The following FAM81B variants were observed in gnomAD, a reference collection of about 807,000 sequenced individuals.
FAM81B encodes family with sequence similarity 81 member B, also known as protein FAM81B.
Under a neutral mutation model 58.7 loss-of-function variants are expected in FAM81B, and 60 were observed. That is an observed-to-expected ratio of 1.02 (90% CI 0.83 to 1.27). The LOEUF (loss-of-function observed/expected upper bound fraction) is 1.27, where lower values mean the gene tolerates loss of function less well. Ranked by LOEUF, FAM81B falls within the 50% of genes most tolerant of loss-of-function variation. FAM81B has a pLI of 0.00. For synonymous variants in FAM81B, 189 were observed against 179.6 expected (o/e 1.05, Z -0.42); for missense variants, 491 against 522.0 (o/e 0.94, Z 0.58).
intron 3 of FAM81B, among the ~76,000 whole-genome samples, chr5:95,402,420 T>A (rs1196762016): frequency 6.6e-6 from 1 of 152,152 alleles, no homozygotes; most frequent in East Asian, 1.9e-4. Context: ...ATAATAAGAC[T>A]ACAGTTAATA....
At chr5:95,419,589 C>CTA (rs1411920844) in intron 4 of FAM81B, among the ~76,000 whole-genome samples, 5 of 152,186 alleles carry the variant, frequency 3.3e-5, no homozygotes, top group African/African-American at 1.2e-4. Flanking sequence ...CTTGGGACCA[C>CTA]TAGCCTGGTG....
chr5:95,394,863 G>A (rs1298985980), intron 2 of FAM81B, among the ~76,000 whole-genome samples: 4 of 152,112 alleles, frequency 2.6e-5, no homozygotes, highest in African/African-American at 4.8e-5. Flanking sequence ...TTTTGAAGGA[G>A]TGAGGTATCC....
At chr5:95,434,638 C>T (rs895683596) in intron 6 of FAM81B, among the ~76,000 whole-genome samples, 3 of 152,162 alleles carry the variant, frequency 2.0e-5, no homozygotes, top group Admixed American at 6.5e-5. Context: ...ATTCTGCCTC[C>T]CACAATTTGT....
chr5:95,420,246 G>T, intron 4 of FAM81B, 38 bp from the exon 5 acceptor site: 1 of 1,611,308 alleles, frequency 6.2e-7, no homozygotes, highest in South Asian at 1.1e-5. Context: ...TATCATGTGT[G>T]ATGGGAAATT....
At chr5:95,397,105 T>C (rs1013785057) in intron 3 of FAM81B, 3 of 152,222 alleles carry the variant, frequency 2.0e-5, no homozygotes, top group African/African-American at 7.2e-5. Context: ...TAAGATTTCT[T>C]CACTAATTTT....
chr5:95,414,883 C>G (rs1245145373), intron 4 of FAM81B, among the ~76,000 whole-genome samples: 3 of 152,164 alleles, frequency 2.0e-5, no homozygotes, highest in Non-Finnish European at 4.4e-5. Context: ...GCACTCATTG[C>G]AAACTACCAT....
intron 6 of FAM81B, among the ~76,000 whole-genome samples, chr5:95,431,135 T>C (rs78129802): frequency 0.011 from 1,704 of 152,194 alleles, 31 homozygotes; most frequent in African/African-American, 0.039. Context: ...CAGTTTGTCA[T>C]AGGTCTTTGG....
chr5:95,443,152 T>C (rs1361124037), intron 7 of FAM81B, among the ~76,000 whole-genome samples: 4 of 152,166 alleles, frequency 2.6e-5, no homozygotes, highest in African/African-American at 9.7e-5. Context: ...TACATCCTCA[T>C]TTCTGTATGT....
At chr5:95,439,594 GTAAGACAGGGTTATT>G (rs36112622) in intron 7 of FAM81B, among the ~76,000 whole-genome samples, 19,758 of 145,708 alleles carry the variant, frequency 0.14, 1,787 homozygotes, top group East Asian at 0.34. Flanking sequence ...CAAAGAGAAA[GTAAGACAGGGTTATT>G]TTTTTTTTCA....
chr5:95,399,161 A>G (rs1240686901), intron 3 of FAM81B, among the ~76,000 whole-genome samples: 13 of 152,240 alleles, frequency 8.5e-5, no homozygotes. Context: ...TAAAATCTGG[A>G]TACATAAAAC....
chr5:95,426,059 G>A (rs1762815256), intron 5 of FAM81B, among the ~76,000 whole-genome samples: 1 of 136,730 alleles, frequency 7.3e-6, no homozygotes, highest in South Asian at 2.3e-4. Context: ...TATAATCCCA[G>A]TATTCTAAAT....
At chr5:95,414,318 T>C (rs2059864047) in intron 4 of FAM81B, 128 bp downstream of exon 4, 6 of 1,097,572 alleles carry the variant, frequency 5.5e-6, no homozygotes, top group Non-Finnish European at 5.1e-6. Context: ...GTTTAGATGA[T>C]TACATTTTAG....
chr5:95,428,494 T>G, intron 5 of FAM81B, 109 bp from the exon 6 acceptor site: 1 of 1,352,488 alleles, frequency 7.4e-7, no homozygotes, highest in Non-Finnish European at 1.0e-6. Context: ...CAACTCATTC[T>G]TCAAATGACT....
At chr5:95,447,171 G>A (rs150473874) in intron 8 of FAM81B, among the ~76,000 whole-genome samples, 1,849 of 152,210 alleles carry the variant, frequency 0.012, 39 homozygotes, top group African/African-American at 0.042. Context: ...GGCTACCAAG[G>A]TTTATGAGAA....
At position 95,396,160 on chromosome 5, in the gene FAM81B, T is replaced by C. The variant is rs796175940; in HGVS notation, c.278T>C (p.Val93Ala). 7.5e-6 allele frequency: 12 copies of C among 1,603,188 alleles called. No homozygotes were observed. The Admixed American group carries it at 8.7e-5, about 12-fold the overall frequency. ...TCAACCAAGAATTCTACAGATCTAGTTGAATATGTTGACAAGTAAGTGTGT... is the reference window on the plus strand; with the variant it reads ...TCAACCAAGAATTCTACAGATCTAGCTGAATATGTTGACAAGTAAGTGTGT... Reference protein sequence around the residue: ...KMSTKNSTDLVEYVDKSHAFL... With the variant: ...KMSTKNSTDLAEYVDKSHAFL... Residue 93 changes from valine to alanine, a missense_variant, in exon 3 of 10, where the codon GTT becomes GCT. Coordinates refer to ENST00000283357, the MANE Select transcript of FAM81B (RefSeq NM_152548.3).
chr5:95,392,899 C>T lies in FAM81B; in HGVS notation c.228+2C>T, dbSNP rs111229089. 1 of 1,600,128 alleles carries T rather than the reference C, an allele frequency of 6.2e-7. No individual in the cohort carries two copies. The highest frequency in any genetic ancestry group is 1.3e-5 in the African/African-American group (1 of 74,094). ...TCAGACAATAACCAAGAAAAGAAAG[C>T]AAGTACTTTTCAATATTCACATTAA... On this transcript the variant is annotated splice_donor_variant, in intron 2 of 9. Transcript: ENST00000283357. LOFTEE classifies it low-confidence loss of function (GC_TO_GT_DONOR).
intron 2 of FAM81B, among the ~76,000 whole-genome samples, chr5:95,395,115 G>GT (rs1295551695): frequency 4.6e-5 from 7 of 152,042 alleles, no homozygotes; most frequent in Non-Finnish European, 7.4e-5. Flanking sequence ...AATCTGTCTT[G>GT]TTTTTTTAAA....
At chr5:95,406,770 A>G (rs1472714009) in intron 3 of FAM81B, among the ~76,000 whole-genome samples, 1 of 152,038 alleles carries the variant, frequency 6.6e-6, no homozygotes, top group South Asian at 2.1e-4. Context: ...GGGAAGCCAC[A>G]TTTATTCAAC....
chr5:95,402,218 T>TTGAGACATGC (rs1169134985), intron 3 of FAM81B, among the ~76,000 whole-genome samples: 2 of 152,188 alleles, frequency 1.3e-5, no homozygotes, highest in African/African-American at 4.8e-5. Flanking sequence ...TCTTAGAAAA[T>TTGAGACATGC]TGAGACATGC....
Sources: gnomAD v4.1 joint callset for allele counts (sites outside exome capture counted in the v4.1 genomes callset) on GRCh38, gnomAD v4.1.1 for gene constraint, MANE v1.5 for transcripts, NCBI Gene and HGNC (gene_info 2026-07-23, HGNC 2026-07-21) for gene names.